The following HUWE1 variants were observed in gnomAD, a reference collection of about 807,000 sequenced individuals.
HUWE1 encodes HECT, UBA and WWE domain containing E3 ubiquitin protein ligase 1, also known as E3 ubiquitin-protein ligase HUWE1.
Under a neutral mutation model 299.4 loss-of-function variants are expected in HUWE1, and 18 were observed. The observed-to-expected ratio is 0.06, with a 90% confidence interval of 0.04 to 0.09. The LOEUF (loss-of-function observed/expected upper bound fraction) is 0.09. HUWE1 is among the 10% of genes least tolerant of loss of function. HUWE1 has a pLI of 1.00. For missense variants in HUWE1, 1,832 were observed against 3,462.3 expected (o/e 0.53, Z 11.82); for synonymous variants, 1,317 against 1,286.1 (o/e 1.02, Z -0.51).
In HUWE1 at chrX:53,614,728, A is replaced by G; in HGVS notation, c.2067T>C (p.Cys689=). 2.5e-6 allele frequency: 3 copies of G among 1,198,355 alleles called. No individual in the cohort carries two copies. Among genetic ancestry groups the G allele is most frequent in the Non-Finnish European group, 3.4e-6 (3 of 883,616 alleles). Residue 689 remains cysteine, a synonymous_variant, in exon 23 of 84, where the codon TGT becomes TGC. Coordinates refer to ENST00000262854, the MANE Select transcript of HUWE1 (RefSeq NM_031407.7). ...TGTATTTGGGGTCCCTTCCAAGATT[A>G]CAGATTTCTTCAAGTAACTGAAAGG... ...TAIIKLLEEI[C]NLGRDPKYIC...
chrX:53,586,617 C>A, intron 38 of HUWE1, 46 bp from the exon 39 acceptor site: 1 of 1,095,849 alleles, frequency 9.1e-7, no homozygotes, highest in Non-Finnish European at 1.3e-6. Context: ...GAAACCTGCA[C>A]AAATTGGGAA....
At chrX:53,640,504 T>C (rs1397514218) in intron 7 of HUWE1, among the ~76,000 whole-genome samples, 1 of 112,114 alleles carries the variant, frequency 8.9e-6, no homozygotes, top group Non-Finnish European at 1.9e-5. Context: ...TACCTAATTA[T>C]CTCTAAACCT....
intron 47 of HUWE1, among the ~76,000 whole-genome samples, chrX:53,570,432 C>T (rs782729227): frequency 8.9e-6 from 1 of 112,555 alleles, no homozygotes; most frequent in East Asian, 2.8e-4. Context: ...GCTGAGGATT[C>T]AAACCTTGAT....
chrX:53,652,884 C>A (rs2068557336), intron 4 of HUWE1, among the ~76,000 whole-genome samples: 1 of 112,525 alleles, frequency 8.9e-6, no homozygotes, highest in African/African-American at 3.2e-5. Context: ...CTCATTAGTA[C>A]AATGCTAAAT....
Position 53,617,064 on chromosome X carries a change from A to G in HUWE1, c.1863T>C (p.Phe621=), listed in dbSNP as rs1270834473. 5.0e-6 allele frequency: 6 copies of G among 1,208,761 alleles called. No homozygotes were observed. Among genetic ancestry groups the G allele is most frequent in the Non-Finnish European group, 6.7e-6 (6 of 893,976 alleles). ...GGCGTTCAAAAGGCTGACACTGAAC[A>G]AAAGACTGAAGACCTCGGGCATTCA... ...LCLNARGLQS[F]VQCQPFERLF... Residue 621 remains phenylalanine, a synonymous_variant, in exon 21 of 84, where the codon TTT becomes TTC. Transcript: ENST00000262854.
At chrX:53,610,531 C>T (rs1404337395) in intron 23 of HUWE1, among the ~76,000 whole-genome samples, 1 of 111,982 alleles carries the variant, frequency 8.9e-6, no homozygotes, top group Non-Finnish European at 1.9e-5. Context: ...CCCAAACATA[C>T]ACACATTCCC....
chrX:53,616,520 T>C (rs782238092), intron 21 of HUWE1, among the ~76,000 whole-genome samples: 10 of 111,984 alleles, frequency 8.9e-5, no homozygotes, highest in East Asian at 5.6e-4. Flanking sequence ...AAGCACATTT[T>C]TGAAAACTGT....
rs782679273 is a variant in HUWE1, at chrX:53,596,972, T to C, written c.3164-1569A>G. 5.3e-5 allele frequency among the ~76,000 whole-genome samples: 6 copies of C among 112,612 alleles called. No homozygotes were observed. In the South Asian group the frequency reaches 1.1e-3, roughly 21 times the overall value. ...CAGCAGGCTTGAAAACCTTGCACTTTTGTGAAATCTTTTTATTTCATATTG... is the reference window on the plus strand; with the variant it reads ...CAGCAGGCTTGAAAACCTTGCACTTCTGTGAAATCTTTTTATTTCATATTG... On this transcript the variant is annotated intron_variant, in intron 29 of 83. Transcript: ENST00000262854.
chrX:53,583,162 A>G (rs1251066829), intron 42 of HUWE1, among the ~76,000 whole-genome samples: 2 of 111,250 alleles, frequency 1.8e-5, no homozygotes, highest in Admixed American at 1.9e-4. Context: ...TTTATATTCC[A>G]AAATACAGTG....
intron 3 of HUWE1, among the ~76,000 whole-genome samples, chrX:53,672,252 T>C (rs1031455715): frequency 1.8e-5 from 2 of 108,187 alleles, no homozygotes; most frequent in East Asian, 2.9e-4. Flanking sequence ...TGTGGTTTTG[T>C]AGATGTCCTT....
At chrX:53,630,109 G>A (rs2066773401) in intron 12 of HUWE1, among the ~76,000 whole-genome samples, 1 of 111,735 alleles carries the variant, frequency 8.9e-6, no homozygotes, top group Non-Finnish European at 1.9e-5. Flanking sequence ...GGTTAATACC[G>A]GACACAGTAC....
chrX:53,578,730 G>A (rs1258115499), intron 43 of HUWE1, among the ~76,000 whole-genome samples: 4 of 65,086 alleles, frequency 6.1e-5, no homozygotes, highest in South Asian at 1.0e-3. Context: ...GGTGAGGGGC[G>A]CCTCTGCCCG....
chrX:53,560,429 T>C lies in HUWE1; in HGVS notation c.7508-13A>G, dbSNP rs782576688. Reference sequence around the variant, plus strand: ...GGGGGGATGTCTGCTGCAAGGACAATATGTAAAAGGGTCAGTGTCAAAAAG... The same window carrying C: ...GGGGGGATGTCTGCTGCAAGGACAACATGTAAAAGGGTCAGTGTCAAAAAG... On this transcript the variant is annotated splice_polypyrimidine_tract_variant and intron_variant, in intron 55 of 83. Transcript: ENST00000262854. 9 of 1,184,657 alleles carry C rather than the reference T, an allele frequency of 7.6e-6. No individual in the cohort carries two copies. In the East Asian group the frequency reaches 2.1e-4, roughly 27 times the overall value.
chrX:53,548,290 G>C lies in HUWE1; in HGVS notation c.10036-17C>G, dbSNP rs782466637. 8.3e-7 allele frequency: 1 copy of C among 1,205,296 alleles called. No individual in the cohort carries two copies. Among genetic ancestry groups the C allele is most frequent in the South Asian group, 1.8e-5 (1 of 55,761 alleles). On this transcript the variant is annotated splice_polypyrimidine_tract_variant and intron_variant, in intron 67 of 83. Coordinates refer to ENST00000262854, the MANE Select transcript of HUWE1 (RefSeq NM_031407.7). The stretch of plus-strand genomic sequence containing the variant: ...GGGAAATACCTGCCGGGAAAAGGAG[G>C]ACAAGGCTTGGTCTAGGACGTCTTC...
intron 74 of HUWE1, 49 bp from the exon 75 acceptor site, chrX:53,539,861 T>C (rs2061262591): frequency 8.8e-7 from 1 of 1,134,951 alleles, no homozygotes; most frequent in Middle Eastern, 2.4e-4. Flanking sequence ...ATTTCCCTTC[T>C]GCTTAGATCT....
chrX:53,661,647 A>C (rs1283530775), intron 3 of HUWE1, among the ~76,000 whole-genome samples: 1 of 112,412 alleles, frequency 8.9e-6, no homozygotes, highest in African/African-American at 3.2e-5. Context: ...TTGTTGGGTC[A>C]GAACCAGAAC....
Position 53,562,143 on chromosome X carries a change from C to G in HUWE1, c.7306G>C (p.Glu2436Gln). 1.7e-6 allele frequency: 2 copies of G among 1,194,810 alleles called. No homozygotes were observed. The highest frequency in any genetic ancestry group is 2.3e-6 in the Non-Finnish European group (2 of 880,152). ...TCTTCCTCATCTTCCTCCTCCTCCT[C>G]CTCTTCATCCTGACTATCATCCTCA... ...EDEDDSQDEE[E>Q]EEEEDEEDDQ... Residue 2436 changes from glutamate to glutamine, a missense_variant, in exon 54 of 84, where the codon GAG (glutamate) becomes CAG (glutamine). Transcript: ENST00000262854.
In HUWE1 at chrX:53,550,929, G is replaced by T; in HGVS notation, c.9357C>A (p.Ser3119=). Residue 3119 remains serine (S), a synonymous_variant, in exon 65 of 84, where the codon TCC becomes TCA. Transcript: ENST00000262854. The part of the protein sequence containing the change: ...HERLFGHSST[S]ALSAILRSPA... ...GGCTTCGGAGAATAGCAGAGAGTGC[G>T]GAGGTGCTACTGTGCCCAAACAGAC... 8.3e-7 allele frequency: 1 copy of T among 1,211,852 alleles called. No homozygotes were observed. The highest frequency in any genetic ancestry group is 3.0e-5 in the East Asian group (1 of 33,843).
intron 6 of HUWE1, among the ~76,000 whole-genome samples, chrX:53,645,736 AATATATATATATATATATATATAT>A (rs1175668846): frequency 1.5e-4 from 4 of 26,132 alleles, no homozygotes; most frequent in African/African-American, 6.0e-4. Flanking sequence ...AAAAAAAAAA[AATATATATATATATATATATATAT>A]ATATATATAT....
Sources: gnomAD v4.1 joint callset for allele counts (sites outside exome capture counted in the v4.1 genomes callset) on GRCh38, gnomAD v4.1.1 for gene constraint, MANE v1.5 for transcripts, NCBI Gene and HGNC (gene_info 2026-07-23, HGNC 2026-07-21) for gene names.